Variants in ASIC2 observed in about 807,000 individuals in gnomAD.
The protein encoded by ASIC2 is acid-sensing ion channel 2.
In ASIC2, 25 loss-of-function variants were observed where a neutral mutation model predicts 57.3. The observed-to-expected ratio is 0.44, with a 90% CI of 0.32 to 0.61. The LOEUF (loss-of-function observed/expected upper bound fraction) is 0.61, where lower values mean the gene tolerates loss of function less well. Among genes scored for constraint, ASIC2 ranks in the 20% least tolerant of loss-of-function variants. The pLI is 0.06. For missense variants in ASIC2, 641 were observed against 738.1 expected, an observed-to-expected ratio of 0.87 and a Z score of 1.52; for synonymous variants, 319 against 307.5, an observed-to-expected ratio of 1.04 and a Z score of -0.39.
intron 3 of ASIC2, among the ~76,000 whole-genome samples, chr17:33,048,112 G>T (rs1197065443): frequency 6.6e-6 from 1 of 152,226 alleles, no homozygotes; most frequent in African/African-American, 2.4e-5. Context: ...CTCCACGTGA[G>T]CACTGAGGAA....
intron 1 of ASIC2, among the ~76,000 whole-genome samples, chr17:33,354,936 C>A (rs536834859): frequency 6.6e-6 from 1 of 152,204 alleles, no homozygotes; most frequent in African/African-American, 2.4e-5. Context: ...CTGCTGAATG[C>A]GTGCTGACAT....
chr17:33,219,944 C>T (rs1366201453), intron 1 of ASIC2, among the ~76,000 whole-genome samples: 1 of 152,162 alleles, frequency 6.6e-6, no homozygotes. Flanking sequence ...CCAGAGGACC[C>T]ACAGAACAGT....
At chr17:34,127,771 G>C (rs1004223843) in intron 1 of ASIC2, among the ~76,000 whole-genome samples, 2 of 152,176 alleles carry the variant, frequency 1.3e-5, no homozygotes, top group African/African-American at 4.8e-5. Flanking sequence ...AAGAATACAA[G>C]AAACTGTCCC....
intron 1 of ASIC2, among the ~76,000 whole-genome samples, chr17:33,389,450 C>A (rs1016564184): frequency 6.6e-6 from 1 of 152,144 alleles, no homozygotes; most frequent in African/African-American, 2.4e-5. Context: ...AGGGAGGTCA[C>A]CCCAATTCTG....
At chr17:33,717,226 C>T (rs1314062912) in intron 1 of ASIC2, among the ~76,000 whole-genome samples, 4 of 152,212 alleles carry the variant, frequency 2.6e-5, no homozygotes. Flanking sequence ...TGATGCAATG[C>T]ATTACTGCTC....
chr17:33,487,575 A>T (rs1438138368), intron 1 of ASIC2, among the ~76,000 whole-genome samples: 1 of 152,216 alleles, frequency 6.6e-6, no homozygotes, highest in East Asian at 1.9e-4. Context: ...TTGAGTGTCA[A>T]CTTGATTGGA....
At chr17:34,114,094 G>A (rs757067020) in intron 1 of ASIC2, among the ~76,000 whole-genome samples, 5 of 152,290 alleles carry the variant, frequency 3.3e-5, no homozygotes, top group Non-Finnish European at 7.4e-5. Flanking sequence ...CTCATTTGGT[G>A]CAAAGCTAGT....
At position 33,135,950 on chromosome 17, in the gene ASIC2, C is replaced by T. The variant is rs577191551; in HGVS notation, c.709-23883G>A. On this transcript the variant is annotated intron_variant, in intron 1 of 9. Transcript: ENST00000225823. The stretch of plus-strand genomic sequence containing the variant: ...TTGGTCTCCAGTGAGGCAGCCGTGA[C>T]ACATTTTATTTCAACTATAAATGGG... Among the ~76,000 whole-genome samples, 6 of 152,320 alleles carry T rather than the reference C, an allele frequency of 3.9e-5. No homozygotes were observed. In the South Asian group the frequency reaches 1.2e-3, roughly 32 times the overall value.
intron 1 of ASIC2, among the ~76,000 whole-genome samples, chr17:33,203,152 C>T (rs780871222): frequency 6.6e-6 from 1 of 152,226 alleles, no homozygotes; most frequent in African/African-American, 2.4e-5. Context: ...TTACCCATAG[C>T]TCCACTAGTG....
At chr17:34,153,878 A>G (rs534072527) in intron 1 of ASIC2, among the ~76,000 whole-genome samples, 1 of 152,252 alleles carries the variant, frequency 6.6e-6, no homozygotes, top group Non-Finnish European at 1.5e-5. Context: ...GGGAAACATT[A>G]CAAAGAGGTC....
intron 1 of ASIC2, among the ~76,000 whole-genome samples, chr17:33,543,329 G>T (rs766314967): frequency 6.6e-6 from 1 of 151,930 alleles, no homozygotes; most frequent in Non-Finnish European, 1.5e-5. Context: ...TCTTCAGTTT[G>T]TGTGCCAGGG....
intron 1 of ASIC2, among the ~76,000 whole-genome samples, chr17:33,757,749 C>A (rs997153126): frequency 6.6e-6 from 1 of 152,182 alleles, no homozygotes; most frequent in African/African-American, 2.4e-5. Flanking sequence ...CAACCTGCAA[C>A]CTTAAACATC....
chr17:33,771,547 G>A (rs1344645220), intron 1 of ASIC2, among the ~76,000 whole-genome samples: 1 of 151,892 alleles, frequency 6.6e-6, no homozygotes, highest in Non-Finnish European at 1.5e-5. Context: ...ACTTACATTA[G>A]TGTTTTTTTT....
chr17:33,275,118 G>A (rs2142161852), intron 1 of ASIC2, among the ~76,000 whole-genome samples: 1 of 152,278 alleles, frequency 6.6e-6, no homozygotes, highest in African/African-American at 2.4e-5. Context: ...AAATGAAGTG[G>A]TGAACTGAGG....
intron 1 of ASIC2, among the ~76,000 whole-genome samples, chr17:34,044,292 G>C (rs1226277586): frequency 6.6e-6 from 1 of 152,160 alleles, no homozygotes; most frequent in East Asian, 1.9e-4. Context: ...AGAGAATGCA[G>C]GCTTCCAGAT....
rs559143529 is a variant in ASIC2, at chr17:33,211,056, A to G, written c.708+80352T>C. Among the ~76,000 whole-genome samples the G allele has an allele frequency of 3.3e-5, 5 of 152,340 alleles. No individual in the cohort carries two copies. In the South Asian group the frequency reaches 1.0e-3, roughly 32 times the overall value. ...CCTGTCAGGTACAGAGAAAGAGGGG[A>G]TTAATTCATGTGGTGGACTTAATGA... On this transcript the variant is annotated intron_variant, in intron 1 of 9. Coordinates refer to ENST00000225823, the MANE Select transcript of ASIC2 (RefSeq NM_183377.2).
At chr17:33,122,933 CA>C (rs34194693) in intron 1 of ASIC2, among the ~76,000 whole-genome samples, 28,733 of 152,008 alleles carry the variant, frequency 0.19, 2,781 homozygotes, top group East Asian at 0.27. Context: ...ATTAAAGCCA[CA>C]AGGAGATATC....
chr17:33,482,117 C>T (rs1913426913), intron 1 of ASIC2, among the ~76,000 whole-genome samples: 1 of 152,226 alleles, frequency 6.6e-6, no homozygotes, highest in African/African-American at 2.4e-5. Flanking sequence ...AGCCAGATTG[C>T]TCTGATGCAA....
chr17:33,786,262 G>A (rs1216104990), intron 1 of ASIC2, among the ~76,000 whole-genome samples: 2 of 152,108 alleles, frequency 1.3e-5, no homozygotes, highest in Non-Finnish European at 2.9e-5. Context: ...TAATGGACAG[G>A]GACCCAGCAC....
Sources: allele counts gnomAD v4.1 joint callset (sites outside exome capture counted in the v4.1 genomes callset), GRCh38; gene constraint gnomAD v4.1.1; transcripts MANE v1.5; gene names NCBI Gene and HGNC (gene_info 2026-07-23, HGNC 2026-07-21).